CPNE4: variants seen among roughly 807,000 people sequenced by gnomAD.
The protein encoded by CPNE4 is copine 4.
Under a neutral mutation model 67.9 loss-of-function variants are expected in CPNE4, and 25 were observed. The ratio of observed to expected loss-of-function variants is 0.37; its 90% CI spans 0.27 to 0.51. CPNE4 has a LOEUF of 0.51. Ranked by LOEUF, CPNE4 falls within the 20% of genes least tolerant of loss-of-function variation. The pLI is 0.93. For synonymous variants in CPNE4, 242 were observed against 244.9 expected, an observed-to-expected ratio of 0.99 and a Z score of 0.11; for missense variants, 464 against 690.8, an observed-to-expected ratio of 0.67 and a Z score of 3.68.
At position 131,550,007 on chromosome 3, in the gene CPNE4, G is replaced by A. The variant is rs767996223; in HGVS notation, c.1242C>T (p.Ala414=). Residue 414 remains alanine (A), a synonymous_variant, in exon 14 of 16, where the codon GCC becomes GCT. Coordinates refer to ENST00000429747, the MANE Select transcript of CPNE4 (RefSeq NM_130808.3). ...KLQLYGPTNI[A]PIIQKVAKSA... is the part of the protein sequence containing the mutation. ...ACTTGGCAACCTTCTGGATGATGGG[G>A]GCAATGTTGGTGGGACCGTAGAGTT... 2.5e-6 allele frequency: 4 copies of A among 1,613,274 alleles called. No individual in the cohort carries two copies. The highest frequency in any genetic ancestry group is 3.4e-6 in the Non-Finnish European group (4 of 1,179,468).
At chr3:131,560,167 C>A (rs1486326237) in intron 11 of CPNE4, among the ~76,000 whole-genome samples, 1 of 151,938 alleles carries the variant, frequency 6.6e-6, no homozygotes, top group African/African-American at 2.4e-5. Flanking sequence ...AAAGGTAGAA[C>A]CTGTGTTAGC....
At chr3:131,609,421 G>A (rs2107738139) in intron 7 of CPNE4, among the ~76,000 whole-genome samples, 1 of 152,240 alleles carries the variant, frequency 6.6e-6, no homozygotes, top group South Asian at 2.1e-4. Context: ...AAGTAGTTAG[G>A]AATGAGGTGT....
rs145627264 is a variant in CPNE4 at position 131,663,183 on chromosome 3, C to A, written c.681+6492G>T. On this transcript the variant is annotated intron_variant, in intron 7 of 15. Transcript: ENST00000429747. ...GCAGGCACATGGATGAAGCTGGAAGCCATCATCCTCAGCAAACTAACACAT... is the reference window on the plus strand; with the variant it reads ...GCAGGCACATGGATGAAGCTGGAAGACATCATCCTCAGCAAACTAACACAT... Among the ~76,000 whole-genome samples the A allele has an allele frequency of 2.7e-3, 415 of 152,190 alleles. 3 individuals carry two copies. The highest frequency in any genetic ancestry group is 9.5e-3 in the African/African-American group (395 of 41,516).
At chr3:131,998,557 A>G (rs1351815500) in intron 1 of CPNE4, among the ~76,000 whole-genome samples, 3 of 152,086 alleles carry the variant, frequency 2.0e-5, no homozygotes, top group African/African-American at 7.2e-5. Flanking sequence ...GTGTTTGAGG[A>G]ATTGGATTAA....
intron 1 of CPNE4, among the ~76,000 whole-genome samples, chr3:131,968,660 A>G (rs1000840266): frequency 6.6e-6 from 1 of 152,200 alleles, no homozygotes; most frequent in Non-Finnish European, 1.5e-5. Flanking sequence ...ATGACATACC[A>G]TCTCATGCCA....
At chr3:131,773,187 G>T (rs1317842128) in intron 2 of CPNE4, among the ~76,000 whole-genome samples, 1 of 152,076 alleles carries the variant, frequency 6.6e-6, no homozygotes, top group Non-Finnish European at 1.5e-5. Flanking sequence ...GCCACGGTTT[G>T]TTAGGCCAGC....
intron 1 of CPNE4, among the ~76,000 whole-genome samples, chr3:132,028,434 G>A (rs1016040264): frequency 3.9e-5 from 6 of 152,114 alleles, no homozygotes; most frequent in African/African-American, 1.2e-4. Context: ...CCAGTGCCTA[G>A]CACAGCTTTT....
At chr3:131,822,221 C>T (rs1039168922) in intron 2 of CPNE4, among the ~76,000 whole-genome samples, 2 of 152,086 alleles carry the variant, frequency 1.3e-5, no homozygotes. Flanking sequence ...CAGCCTACAA[C>T]AAAAGCTATT....
intron 1 of CPNE4, among the ~76,000 whole-genome samples, chr3:131,973,649 A>T (rs962933768): frequency 6.6e-6 from 1 of 150,674 alleles, no homozygotes. Context: ...TGATACCAGT[A>T]TTAATGTTTT....
intron 7 of CPNE4, among the ~76,000 whole-genome samples, chr3:131,637,246 G>A (rs868305385): frequency 8.5e-5 from 13 of 152,268 alleles, no homozygotes; most frequent in Middle Eastern, 3.4e-3. Context: ...GCTAATCAAG[G>A]AGGCACCAGA....
intron 7 of CPNE4, among the ~76,000 whole-genome samples, chr3:131,618,193 G>C (rs924940775): frequency 3.3e-5 from 5 of 152,104 alleles, no homozygotes; most frequent in Admixed American, 6.5e-5. Context: ...GTGAATACTG[G>C]GGTAGTTTGG....
intron 2 of CPNE4, among the ~76,000 whole-genome samples, chr3:131,740,883 G>A (rs1352707539): frequency 6.6e-6 from 1 of 151,854 alleles, no homozygotes; most frequent in Admixed American, 6.6e-5. Flanking sequence ...CTTCACTCTG[G>A]CCTCTCTGCT....
intron 1 of CPNE4, among the ~76,000 whole-genome samples, chr3:132,008,626 C>T (rs928766370): frequency 2.0e-5 from 3 of 152,076 alleles, no homozygotes; most frequent in Admixed American, 6.5e-5. Context: ...TGTGCACAGA[C>T]GTGTACATTT....
chr3:131,815,839 G>A (rs546813355), intron 2 of CPNE4, among the ~76,000 whole-genome samples: 67 of 152,070 alleles, frequency 4.4e-4, no homozygotes, highest in African/African-American at 1.4e-3. Context: ...CAGCAGAGGG[G>A]TCCAGAGATT....
At chr3:131,662,702 A>G (rs938889458) in intron 7 of CPNE4, among the ~76,000 whole-genome samples, 4 of 152,260 alleles carry the variant, frequency 2.6e-5, no homozygotes, top group Non-Finnish European at 5.9e-5. Flanking sequence ...GCCAAAAAAC[A>G]TATGAAGAAA....
intron 2 of CPNE4, among the ~76,000 whole-genome samples, chr3:131,904,638 A>G (rs1336116939): frequency 6.6e-6 from 1 of 152,084 alleles, no homozygotes; most frequent in Non-Finnish European, 1.5e-5. Flanking sequence ...GATAGTAAGT[A>G]GCCCAGCCCA....
At chr3:131,821,022 C>T (rs17361864) in intron 2 of CPNE4, among the ~76,000 whole-genome samples, 208 of 152,304 alleles carry the variant, frequency 1.4e-3, no homozygotes, top group Admixed American at 4.1e-3. Context: ...TGCCAACTCA[C>T]TTAACCTTTA....
intron 7 of CPNE4, among the ~76,000 whole-genome samples, chr3:131,658,187 C>T (rs2080027500): frequency 6.6e-6 from 1 of 151,892 alleles, no homozygotes; most frequent in Non-Finnish European, 1.5e-5. Flanking sequence ...TGCCTTTTGC[C>T]GTGAGTCAGT....
rs187043552 is a variant in CPNE4 at position 132,033,524 on chromosome 3, C to G, written c.-2+1043G>C. 4.1e-4 allele frequency among the ~76,000 whole-genome samples: 63 copies of G among 152,248 alleles called. No homozygotes were observed. The East Asian group carries it at 0.01, about 24-fold the overall frequency. On this transcript the variant is annotated intron_variant, in intron 1 of 15. Coordinates refer to ENST00000429747, the MANE Select transcript of CPNE4 (RefSeq NM_130808.3). ...CGCCTCACTCTGCTCACCTTTCCCC[C>G]CTCCACTTCCCAACCACCCACATCA...
Sources: allele counts gnomAD v4.1 joint callset (sites outside exome capture counted in the v4.1 genomes callset), GRCh38; gene constraint gnomAD v4.1.1; transcripts MANE v1.5; gene names NCBI Gene and HGNC (gene_info 2026-07-23, HGNC 2026-07-21).